The following DAB1 variants were observed in gnomAD, a reference collection of about 807,000 sequenced individuals.
DAB1 encodes disabled homolog 1.
A neutral mutation model predicts 64.6 loss-of-function variants in DAB1; 15 were observed. That is an observed-to-expected ratio of 0.23 (90% CI 0.16 to 0.36). The LOEUF (loss-of-function observed/expected upper bound fraction) is 0.36. Among genes scored for constraint, DAB1 ranks in the 10% least tolerant of loss-of-function variants. The pLI, the probability that DAB1 is intolerant of heterozygous loss-of-function variation, is 1.00. For synonymous variants in DAB1, 235 were observed against 251.9 expected (o/e 0.93, Z 0.64); for missense variants, 596 against 706.7 (o/e 0.84, Z 1.78).
intron 7 of DAB1, among the ~76,000 whole-genome samples, chr1:57,599,422 T>C (rs1034373345): frequency 6.1e-5 from 9 of 147,306 alleles, no homozygotes; most frequent in African/African-American, 2.2e-4. Flanking sequence ...GCATTTGGCA[T>C]CCTCTCCAGA....
At chr1:57,429,238 G>T (rs1198912496) in intron 7 of DAB1, among the ~76,000 whole-genome samples, 1 of 152,094 alleles carries the variant, frequency 6.6e-6, no homozygotes, top group Non-Finnish European at 1.5e-5. Context: ...GATGATTCGT[G>T]ATATTAAGCA....
intron 7 of DAB1, among the ~76,000 whole-genome samples, chr1:57,461,099 G>T (rs1244111977): frequency 6.6e-6 from 1 of 152,146 alleles, no homozygotes; most frequent in Non-Finnish European, 1.5e-5. Flanking sequence ...TAGAAATAGA[G>T]TACAAGTGCT....
At chr1:58,331,955 T>A (rs1238146190) in intron 4 of DAB1, among the ~76,000 whole-genome samples, 1 of 152,166 alleles carries the variant, frequency 6.6e-6, no homozygotes, top group Non-Finnish European at 1.5e-5. Context: ...AAACTATTCC[T>A]CAAAAACGTA....
chr1:58,399,362 G>A (rs764122844), intron 3 of DAB1, among the ~76,000 whole-genome samples: 1 of 152,188 alleles, frequency 6.6e-6, no homozygotes, highest in Non-Finnish European at 1.5e-5. Context: ...TCAAGGTTAC[G>A]ACCAGTGACA....
intron 5 of DAB1, among the ~76,000 whole-genome samples, chr1:57,935,575 A>G (rs1261841030): frequency 1.3e-5 from 2 of 152,334 alleles, no homozygotes; most frequent in Admixed American, 6.5e-5. Flanking sequence ...CTAATTCTGG[A>G]TTCACCACAT....
At chr1:58,539,367 G>T (rs1388163953) in intron 1 of DAB1, 1 of 714,922 alleles carries the variant, frequency 1.4e-6, no homozygotes, top group South Asian at 1.8e-5. Flanking sequence ...ACCAAACTGG[G>T]ACTATAACAC....
chr1:57,206,335 C>T lies in DAB1; in HGVS notation c.68-60906G>A, dbSNP rs1665534714. ...TATCTCCCTCTACCAGACAGGGCTG[C>T]ACTTGGCAGTCAAAAGATTTGGGTT... On this transcript the variant is annotated intron_variant, in intron 2 of 14. Coordinates refer to ENST00000371236, the MANE Select transcript of DAB1 (RefSeq NM_001365792.1). Among the ~76,000 whole-genome samples, 4 of 152,310 alleles carry T rather than the reference C, an allele frequency of 2.6e-5. 1 individual carries two copies. The South Asian group carries it at 8.3e-4, about 32-fold the overall frequency.
intron 3 of DAB1, among the ~76,000 whole-genome samples, chr1:58,431,605 T>C (rs1644874714): frequency 6.6e-6 from 1 of 150,918 alleles, no homozygotes; most frequent in Admixed American, 6.6e-5. Context: ...AAAGAAAAAG[T>C]TTTGTGACAA....
intron 5 of DAB1, among the ~76,000 whole-genome samples, chr1:58,136,864 G>A (rs1202882621): frequency 6.6e-6 from 1 of 152,178 alleles, no homozygotes; most frequent in Non-Finnish European, 1.5e-5. Flanking sequence ...ACAAGTAGGT[G>A]GGAGAATCCA....
intron 4 of DAB1, among the ~76,000 whole-genome samples, chr1:58,337,988 C>CTATATATATATA (rs10674883): frequency 5.3e-5 from 8 of 149,616 alleles, no homozygotes; most frequent in Admixed American, 2.0e-4. Context: ...GTTTTTTCCA[C>CTATATATATATA]TATATATATA....
intron 7 of DAB1, among the ~76,000 whole-genome samples, chr1:57,614,864 CTTT>C (rs1645770898): frequency 8.7e-6 from 1 of 114,932 alleles, no homozygotes; most frequent in African/African-American, 3.2e-5. Flanking sequence ...TTCTTTCTTT[CTTT>C]CTTTTTTTTT....
intron 7 of DAB1, among the ~76,000 whole-genome samples, chr1:57,507,921 T>C (rs1644363884): frequency 6.6e-6 from 1 of 152,162 alleles, no homozygotes; most frequent in African/African-American, 2.4e-5. Flanking sequence ...GATTCAAAAA[T>C]ACAGTGAGCG....
intron 1 of DAB1, among the ~76,000 whole-genome samples, chr1:57,868,141 T>C (rs1255205763): frequency 6.6e-6 from 1 of 152,166 alleles, no homozygotes; most frequent in African/African-American, 2.4e-5. Context: ...GATTAGGTAA[T>C]TTGTAATAAA....
chr1:57,386,378 A>AC (rs1166153823), intron 1 of DAB1, among the ~76,000 whole-genome samples: 2 of 151,130 alleles, frequency 1.3e-5, no homozygotes, highest in East Asian at 3.9e-4. Context: ...AAAAAAAAAA[A>AC]AAAAAAAAAC....
intron 4 of DAB1, among the ~76,000 whole-genome samples, chr1:58,275,819 T>C (rs745797873): frequency 6.6e-6 from 1 of 152,238 alleles, no homozygotes; most frequent in South Asian, 2.1e-4. Flanking sequence ...ATTTCACTTC[T>C]GGATATATAT....
At chr1:57,702,826 T>C (rs1646922410) in intron 6 of DAB1, among the ~76,000 whole-genome samples, 1 of 152,136 alleles carries the variant, frequency 6.6e-6, no homozygotes, top group Non-Finnish European at 1.5e-5. Flanking sequence ...AGCATGGTAC[T>C]GGTACAAAAA....
intron 4 of DAB1, among the ~76,000 whole-genome samples, chr1:57,108,148 G>A (rs746424687): frequency 1.2e-4 from 19 of 152,084 alleles, no homozygotes; most frequent in Non-Finnish European, 2.4e-4. Flanking sequence ...CAAGGCTGTA[G>A]GGTAAAAACG....
At chr1:57,032,395 A>G (rs1042690271) in intron 9 of DAB1, among the ~76,000 whole-genome samples, 1 of 152,070 alleles carries the variant, frequency 6.6e-6, no homozygotes, top group African/African-American at 2.4e-5. Context: ...TGGAGGAGAG[A>G]AGCACAGGGG....
chr1:57,503,378 T>G (rs1644311948), intron 7 of DAB1, among the ~76,000 whole-genome samples: 1 of 152,236 alleles, frequency 6.6e-6, no homozygotes, highest in Non-Finnish European at 1.5e-5. Flanking sequence ...TTCTCTCATT[T>G]GAACTGCCTC....
Sources: gnomAD v4.1 joint callset for allele counts (sites outside exome capture counted in the v4.1 genomes callset) on GRCh38, gnomAD v4.1.1 for gene constraint, MANE v1.5 for transcripts, NCBI Gene and HGNC (gene_info 2026-07-23, HGNC 2026-07-21) for gene names.